Variants in ERG observed in about 807,000 individuals in gnomAD.
The protein encoded by ERG is transcriptional regulator ERG.
ERG carries 9 observed loss-of-function variants against 55.3 expected under a neutral mutation model. That is an observed-to-expected ratio of 0.16 (90% CI 0.10 to 0.28). The LOEUF is 0.28. Ranked by LOEUF, ERG falls within the 10% of genes least tolerant of loss-of-function variation. ERG has a pLI of 1.00. For missense variants in ERG, 434 were observed against 631.6 expected, an observed-to-expected ratio of 0.69 and a Z score of 3.35; for synonymous variants, 223 against 237.3, an observed-to-expected ratio of 0.94 and a Z score of 0.55.
At chr21:38,554,168 A>C (rs772090626) in intron 2 of ERG, among the ~76,000 whole-genome samples, 7 of 152,220 alleles carry the variant, frequency 4.6e-5, no homozygotes, top group Non-Finnish European at 8.8e-5. Context: ...CAATTTTAAA[A>C]GTCAAAAAAT....
chr21:38,488,575 T>C (rs539501603), intron 1 of ERG, among the ~76,000 whole-genome samples: 2 of 152,204 alleles, frequency 1.3e-5, no homozygotes, highest in East Asian at 1.9e-4. Flanking sequence ...AATGCATTCG[T>C]TGGAATTTAG....
intron 2 of ERG, among the ~76,000 whole-genome samples, chr21:38,524,976 CCAAA>C (rs1023236184): frequency 5.8e-4 from 88 of 152,248 alleles, no homozygotes; most frequent in African/African-American, 2.0e-3. Flanking sequence ...CATGTTAATT[CCAAA>C]CAAAGAGACC....
At chr21:38,489,195 G>T (rs1185259089) in intron 1 of ERG, among the ~76,000 whole-genome samples, 2 of 152,160 alleles carry the variant, frequency 1.3e-5, no homozygotes, top group African/African-American at 4.8e-5. Flanking sequence ...GTAAACATGT[G>T]ATCTAAAAAA....
intron 1 of ERG, among the ~76,000 whole-genome samples, chr21:38,457,431 G>A (rs1381969181): frequency 4.1e-5 from 2 of 48,658 alleles, no homozygotes; most frequent in East Asian, 1.4e-3. Context: ...GCAAGACTCT[G>A]TCTCAAAAAA....
intron 2 of ERG, among the ~76,000 whole-genome samples, chr21:38,554,951 T>TTA (rs937248884): frequency 1.4e-4 from 22 of 151,908 alleles, no homozygotes; most frequent in African/African-American, 5.3e-4. Context: ...AGATGAATAG[T>TTA]TATATAATTT....
intron 1 of ERG, chr21:38,575,816 G>T: frequency 8.3e-7 from 1 of 1,201,396 alleles, no homozygotes; most frequent in South Asian, 1.3e-5. Context: ...GTTCTAGCAG[G>T]ACAGGACACA....
chr21:38,561,860 C>A (rs1366115672), intron 2 of ERG, among the ~76,000 whole-genome samples: 1 of 152,154 alleles, frequency 6.6e-6, no homozygotes, highest in Non-Finnish European at 1.5e-5. Flanking sequence ...CAAAGAATCA[C>A]TAACTAATAG....
At chr21:38,598,853 T>C (rs1178009740) in intron 1 of ERG, among the ~76,000 whole-genome samples, 1 of 152,196 alleles carries the variant, frequency 6.6e-6, no homozygotes, top group Admixed American at 6.5e-5. Context: ...TCTGCACAAT[T>C]AGCTCTTGTG....
intron 1 of ERG, among the ~76,000 whole-genome samples, chr21:38,636,511 A>G (rs1222804136): frequency 6.6e-6 from 1 of 152,194 alleles, no homozygotes; most frequent in Non-Finnish European, 1.5e-5. Flanking sequence ...AAATAGTGGC[A>G]TCTGGTTCCT....
rs367627177 is a variant in ERG, at chr21:38,629,128, C to G, written c.-150+32530G>C. Among the ~76,000 whole-genome samples, 9 of 152,334 alleles carry G rather than the reference C, an allele frequency of 5.9e-5. No homozygotes were observed. The East Asian group carries it at 1.5e-3, about 26-fold the overall frequency. On this transcript the variant is annotated intron_variant, in intron 1 of 10. Transcript: ENST00000398910. ...CAAGGGAACACAGGCTCCCAGCTGC[C>G]TGCTTGCAGAGTTCCCCTGTGGGAG...
At chr21:38,400,062 T>C in intron 6 of ERG, 1 of 304,772 alleles carries the variant, frequency 3.3e-6, no homozygotes, top group Non-Finnish European at 6.4e-6. Context: ...GGGCACTTGA[T>C]AGATGTTTAT....
chr21:38,400,878 G>A (rs1446807168), intron 5 of ERG, among the ~76,000 whole-genome samples: 1 of 152,140 alleles, frequency 6.6e-6, no homozygotes, highest in Non-Finnish European at 1.5e-5. Flanking sequence ...AGCGTTTTGT[G>A]TTTTGATTTT....
rs2059395371 is a variant in ERG, at chr21:38,498,180, C to G, written c.18+183G>C. The stretch of plus-strand genomic sequence containing the variant: ...TTTTTCTGAGTTTGAAGTTTTTAAG[C>G]CTTGCGGATGGTTGGAGTAGGAAAA... On this transcript the variant is annotated intron_variant, in intron 1 of 9. Coordinates refer to ENST00000288319, the MANE Select transcript of ERG (RefSeq NM_182918.4). The surrounding 1 kb of genome is among the most constrained non-coding windows in gnomAD (Gnocchi z 4.6). Among the ~76,000 whole-genome samples, 1 of 152,062 alleles carries G rather than the reference C, an allele frequency of 6.6e-6. No homozygotes were observed. The highest frequency in any genetic ancestry group is 6.6e-5 in the Admixed American group (1 of 15,254).
chr21:38,574,939 T>A (rs564076576), intron 2 of ERG, among the ~76,000 whole-genome samples: 96 of 152,204 alleles, frequency 6.3e-4, no homozygotes, highest in Non-Finnish European at 1.1e-3. Flanking sequence ...TTTATTTTTG[T>A]CAAATATATG....
rs1254517992 is a variant in ERG at position 38,460,875 on chromosome 21, G to A, written c.19-15254C>T. ...AATGGTGTCACTTCCTTTCTGCTTA[G>A]GAAGGAGACGTTTGGAAAAACTGTT... On this transcript the variant is annotated intron_variant, in intron 1 of 9. Coordinates refer to ENST00000288319, the MANE Select transcript of ERG (RefSeq NM_182918.4). The surrounding 1 kb of genome is among the most constrained non-coding windows in gnomAD (Gnocchi z 5.0). Among the ~76,000 whole-genome samples the A allele has an allele frequency of 6.6e-6, 1 of 152,184 alleles. No homozygotes were observed. Among genetic ancestry groups the A allele is most frequent in the Admixed American group, 6.5e-5 (1 of 15,278 alleles).
intron 1 of ERG, among the ~76,000 whole-genome samples, chr21:38,610,883 G>A (rs568374332): frequency 1.3e-5 from 2 of 152,162 alleles, no homozygotes; most frequent in Non-Finnish European, 2.9e-5. Flanking sequence ...GGCTTGAGGG[G>A]AGATTGAAAA....
chr21:38,424,187 G>GTCTCTCTCTCTCTCTCTCTCTCT (rs1569087250), intron 2 of ERG, among the ~76,000 whole-genome samples: 1 of 110,078 alleles, frequency 9.1e-6, no homozygotes, highest in African/African-American at 3.2e-5. Flanking sequence ...CAGAGCTCGA[G>GTCTCTCTCTCTCTCTCTCTCTCT]CTCTCTCTCT....
chr21:38,428,940 G>A (rs952135378), intron 2 of ERG, among the ~76,000 whole-genome samples: 23 of 151,996 alleles, frequency 1.5e-4, no homozygotes, highest in African/African-American at 5.6e-4. Flanking sequence ...CTGGTTACAC[G>A]AATAAGTTCT....
At chr21:38,533,157 A>C (rs975071084) in intron 2 of ERG, among the ~76,000 whole-genome samples, 2 of 152,180 alleles carry the variant, frequency 1.3e-5, no homozygotes. Flanking sequence ...GTCACAGGTA[A>C]ATGAAAATCT....
Sources: allele counts gnomAD v4.1 joint callset (sites outside exome capture counted in the v4.1 genomes callset), GRCh38; gene constraint gnomAD v4.1.1; non-coding constraint Gnocchi (gnomAD v3.1); transcripts MANE v1.5; gene names NCBI Gene and HGNC (gene_info 2026-07-23, HGNC 2026-07-21).